PRKD1: variants seen among roughly 807,000 people sequenced by gnomAD.
PRKD1 encodes the protein serine/threonine-protein kinase D1.
A neutral mutation model predicts 95.9 loss-of-function variants in PRKD1; 63 were observed. That is an observed-to-expected ratio of 0.66 (90% confidence interval 0.54 to 0.81). The LOEUF is 0.81. PRKD1 is among the 30% of genes least tolerant of loss of function. PRKD1 has a pLI of 0.00. For missense variants in PRKD1, 1,048 were observed against 1,165.3 expected (o/e 0.90, Z 1.47); for synonymous variants, 425 against 423.1 (o/e 1.00, Z -0.05).
intron 6 of PRKD1, 116 bp from the exon 7 acceptor site, chr14:29,636,610 G>A (rs931067362): frequency 2.0e-6 from 2 of 989,416 alleles, no homozygotes; most frequent in African/African-American, 3.3e-5. Flanking sequence ...GTAGTTCTGT[G>A]ATGAGTTTAT....
intron 13 of PRKD1, among the ~76,000 whole-genome samples, chr14:29,622,329 G>C (rs528343129): frequency 7.2e-4 from 110 of 151,802 alleles, no homozygotes; most frequent in African/African-American, 2.6e-3. Flanking sequence ...TTTAGAAGAG[G>C]AATAGGGAGG....
intron 3 of PRKD1, 78 bp from the exon 4 acceptor site, chr14:29,663,937 T>A: frequency 7.1e-7 from 1 of 1,399,232 alleles, no homozygotes. Flanking sequence ...AAAGTAGAAA[T>A]TTAAAAAATA....
intron 16 of PRKD1, among the ~76,000 whole-genome samples, chr14:29,581,017 C>A (rs1325175152): frequency 6.6e-6 from 1 of 151,220 alleles, no homozygotes; most frequent in Non-Finnish European, 1.5e-5. Context: ...AATCTTTGAC[C>A]TTTAATTCAT....
At chr14:29,667,718 C>T (rs1467563608) in intron 2 of PRKD1, among the ~76,000 whole-genome samples, 4 of 152,048 alleles carry the variant, frequency 2.6e-5, no homozygotes, top group African/African-American at 9.7e-5. Flanking sequence ...TCCCCTCAGC[C>T]CCAAAATCAC....
intron 1 of PRKD1, among the ~76,000 whole-genome samples, chr14:29,737,767 A>C (rs1401335082): frequency 6.6e-6 from 1 of 152,202 alleles, no homozygotes; most frequent in Non-Finnish European, 1.5e-5. Flanking sequence ...GTTGTTCTGA[A>C]AGCGGTAGAT....
At chr14:29,704,081 G>A (rs909497591) in intron 2 of PRKD1, among the ~76,000 whole-genome samples, 4 of 152,044 alleles carry the variant, frequency 2.6e-5, no homozygotes, top group Admixed American at 6.6e-5. Context: ...AATACAACAC[G>A]GGACAAAACC....
intron 1 of PRKD1, among the ~76,000 whole-genome samples, chr14:29,830,683 T>A (rs906915448): frequency 2.0e-5 from 3 of 152,076 alleles, no homozygotes; most frequent in Non-Finnish European, 4.4e-5. Context: ...ACTTTTTTTT[T>A]TTTTGGTCTC....
chr14:29,852,254 T>C (rs2139340601), intron 1 of PRKD1, among the ~76,000 whole-genome samples: 1 of 152,148 alleles, frequency 6.6e-6, no homozygotes, highest in South Asian at 2.1e-4. Context: ...GAAAATAATG[T>C]GTGGATAAAA....
chr14:29,609,292 G>A (rs570324905), intron 13 of PRKD1, among the ~76,000 whole-genome samples: 133 of 152,220 alleles, frequency 8.7e-4, no homozygotes, highest in African/African-American at 3.0e-3. Context: ...CAGATATATT[G>A]TGCCCTCATA....
intron 1 of PRKD1, among the ~76,000 whole-genome samples, chr14:29,911,817 G>C (rs949745693): frequency 2.6e-5 from 4 of 152,104 alleles, no homozygotes; most frequent in Non-Finnish European, 2.9e-5. Flanking sequence ...GTCAAAATGT[G>C]GTTCCTTCTG....
chr14:29,837,834 C>G (rs45580231), intron 1 of PRKD1, among the ~76,000 whole-genome samples: 1 of 152,024 alleles, frequency 6.6e-6, no homozygotes, highest in Non-Finnish European at 1.5e-5. Context: ...TACTGTATAC[C>G]TATATTTTAG....
At chr14:29,693,636 A>G (rs974705727) in intron 2 of PRKD1, among the ~76,000 whole-genome samples, 8 of 116,224 alleles carry the variant, frequency 6.9e-5, no homozygotes, top group Admixed American at 1.6e-4. Flanking sequence ...TCAAAAAAAA[A>G]AAAAACAACA....
chr14:29,685,734 C>CTG (rs5807548), intron 2 of PRKD1, among the ~76,000 whole-genome samples: 70,123 of 149,252 alleles, frequency 0.47, 16,533 homozygotes, highest in African/African-American at 0.56. Context: ...TTATCCTCAT[C>CTG]TGTGTGTGTG....
chr14:29,759,656 G>A (rs572133184), intron 1 of PRKD1, among the ~76,000 whole-genome samples: 1 of 152,278 alleles, frequency 6.6e-6, no homozygotes, highest in South Asian at 2.1e-4. Flanking sequence ...ATTAAAATGT[G>A]TAACAGTACT....
chr14:29,587,061 G>A (rs940706863), intron 16 of PRKD1, among the ~76,000 whole-genome samples: 1 of 152,198 alleles, frequency 6.6e-6, no homozygotes, highest in Non-Finnish European at 1.5e-5. Context: ...ACTTGTGCAG[G>A]AGAAGAGAAG....
Position 29,927,447 on chromosome 14 carries a change from TGCG to T in PRKD1, c.63_65del (p.Ala26del). 7.6e-7 allele frequency: 1 copy of T among 1,315,446 alleles called. No individual in the cohort carries two copies. The allele number at this position is 1,315,446 out of a possible 1,614,324, so 81.5% of individuals were successfully genotyped here. On this transcript the variant is annotated inframe_deletion, in exon 1 of 18. Transcript: ENST00000331968. ...ACCCTGGGACCAGTGCGGCGGCCGC[TGCG>T]GCAGCTGCCGCCGCCACGGGCAGCA...
intron 13 of PRKD1, among the ~76,000 whole-genome samples, chr14:29,616,659 A>C (rs1594364915): frequency 1.3e-5 from 2 of 152,262 alleles, no homozygotes; most frequent in African/African-American, 4.8e-5. Context: ...GGGGATTAGA[A>C]AACAAACACG....
intron 1 of PRKD1, among the ~76,000 whole-genome samples, chr14:29,893,126 A>G (rs1372919185): frequency 1.3e-5 from 2 of 152,190 alleles, no homozygotes; most frequent in Non-Finnish European, 2.9e-5. Flanking sequence ...TGGACAGATT[A>G]GTAAATTTTC....
Position 29,576,561 on chromosome 14 carries a change from A to T in PRKD1, c.*677T>A, listed in dbSNP as rs538571050. 1.3e-5 allele frequency: 2 copies of T among 153,648 alleles called. No individual in the cohort carries two copies. Among genetic ancestry groups the T allele is most frequent in the Admixed American group, 6.5e-5 (1 of 15,450 alleles). 9.5% of individuals were successfully genotyped at this position (153,648 alleles called of 1,614,324 possible). On this transcript the variant is annotated 3_prime_UTR_variant, in exon 18 of 18. Coordinates refer to ENST00000331968, the MANE Select transcript of PRKD1 (RefSeq NM_002742.3). The stretch of plus-strand genomic sequence containing the variant: ...CAGCTGATTTTCCATAGTACAACAG[A>T]GTATTATAAGAAAGAGGGAAATGTA...
Sources: allele counts gnomAD v4.1 joint callset (sites outside exome capture counted in the v4.1 genomes callset), GRCh38; gene constraint gnomAD v4.1.1; transcripts MANE v1.5; gene names NCBI Gene and HGNC (gene_info 2026-07-23, HGNC 2026-07-21).